The following INPP4B variants were observed in gnomAD, a reference collection of about 807,000 sequenced individuals.
INPP4B encodes inositol polyphosphate-4-phosphatase type II B.
A neutral mutation model predicts 122.5 loss-of-function variants in INPP4B; 55 were observed. That is an observed-to-expected ratio of 0.45 (90% confidence interval 0.36 to 0.56). The LOEUF (loss-of-function observed/expected upper bound fraction) is 0.56, where lower values mean the gene tolerates loss of function less well. Among genes scored for constraint, INPP4B ranks in the 20% least tolerant of loss-of-function variants. INPP4B has a pLI of 0.00. For missense variants in INPP4B, 1,000 were observed against 1,097.7 expected, an observed-to-expected ratio of 0.91 and a Z score of 1.26; for synonymous variants, 403 against 388.7, an observed-to-expected ratio of 1.04 and a Z score of -0.43.
At chr4:142,498,692 G>A (rs1302387678) in intron 2 of INPP4B, among the ~76,000 whole-genome samples, 1 of 152,086 alleles carries the variant, frequency 6.6e-6, no homozygotes. Context: ...TCGAGAGGTT[G>A]AGATTGGAAG....
At chr4:142,413,423 A>T (rs1579991531) in intron 5 of INPP4B, among the ~76,000 whole-genome samples, 2 of 152,224 alleles carry the variant, frequency 1.3e-5, no homozygotes, top group Non-Finnish European at 2.9e-5. Context: ...ACACAGACAA[A>T]TAAATAAAGC....
intron 12 of INPP4B, among the ~76,000 whole-genome samples, chr4:142,221,509 C>T (rs1451176079): frequency 1.3e-5 from 2 of 150,228 alleles, no homozygotes; most frequent in African/African-American, 4.9e-5. Flanking sequence ...ACAAAACAAA[C>T]ACCAAATTTC....
At chr4:142,705,458 A>AACACACACACACAC (rs56300337) in intron 2 of INPP4B, among the ~76,000 whole-genome samples, 134 of 146,302 alleles carry the variant, frequency 9.2e-4, no homozygotes, top group African/African-American at 3.3e-3. Flanking sequence ...TCCCACCCCA[A>AACACACACACACAC]ACACACACAC....
chr4:142,187,747 C>G (rs1272329225), intron 15 of INPP4B, among the ~76,000 whole-genome samples: 1 of 151,476 alleles, frequency 6.6e-6, no homozygotes, highest in Admixed American at 6.6e-5. Flanking sequence ...GCACATACTA[C>G]CAAGCCTGAC....
intron 2 of INPP4B, among the ~76,000 whole-genome samples, chr4:142,695,253 C>T (rs1487627898): frequency 1.3e-5 from 2 of 152,112 alleles, no homozygotes; most frequent in African/African-American, 4.8e-5. Flanking sequence ...TGAGTTTCAA[C>T]AATGACCCAG....
At chr4:142,633,495 A>C (rs1442510640) in intron 2 of INPP4B, among the ~76,000 whole-genome samples, 1 of 152,172 alleles carries the variant, frequency 6.6e-6, no homozygotes, top group Non-Finnish European at 1.5e-5. Flanking sequence ...GGACTATCTT[A>C]ACACACTTAA....
chr4:142,185,934 A>G (rs950573937), intron 15 of INPP4B, among the ~76,000 whole-genome samples: 1 of 151,524 alleles, frequency 6.6e-6, no homozygotes, highest in Non-Finnish European at 1.5e-5. Flanking sequence ...GTTATACTAA[A>G]TGTAGGAATT....
At chr4:142,210,711 T>C (rs1056179638) in intron 12 of INPP4B, among the ~76,000 whole-genome samples, 1 of 152,210 alleles carries the variant, frequency 6.6e-6, no homozygotes, top group African/African-American at 2.4e-5. Flanking sequence ...TATACAGTTA[T>C]AATGAAAATA....
At chr4:142,587,914 A>C (rs1421460831) in intron 2 of INPP4B, among the ~76,000 whole-genome samples, 1 of 152,012 alleles carries the variant, frequency 6.6e-6, no homozygotes, top group Non-Finnish European at 1.5e-5. Flanking sequence ...ATCTGTCATA[A>C]ATATAAATGC....
At chr4:142,310,255 T>C (rs1402176586) in intron 8 of INPP4B, among the ~76,000 whole-genome samples, 1 of 152,168 alleles carries the variant, frequency 6.6e-6, no homozygotes, top group African/African-American at 2.4e-5. Context: ...AGTTGAGATG[T>C]ACACTCAGTA....
At chr4:142,619,595 C>T (rs1418525894) in intron 2 of INPP4B, among the ~76,000 whole-genome samples, 1 of 151,704 alleles carries the variant, frequency 6.6e-6, no homozygotes, top group Non-Finnish European at 1.5e-5. Flanking sequence ...ATGGTTGTTG[C>T]CAGGGGATAA....
intron 7 of INPP4B, among the ~76,000 whole-genome samples, chr4:142,360,855 A>C (rs991699959): frequency 2.6e-5 from 4 of 151,980 alleles, no homozygotes; most frequent in African/African-American, 9.7e-5. Context: ...AAACCTACCA[A>C]AGTGACTCAA....
chr4:142,669,066 A>C (rs1262260020), intron 2 of INPP4B, among the ~76,000 whole-genome samples: 3 of 151,936 alleles, frequency 2.0e-5, no homozygotes, highest in Non-Finnish European at 4.4e-5. Flanking sequence ...AAAAGAAAAT[A>C]AATAAAAATA....
chr4:142,455,945 T>A (rs1001056078), intron 3 of INPP4B, among the ~76,000 whole-genome samples: 1 of 152,114 alleles, frequency 6.6e-6, no homozygotes, highest in Non-Finnish European at 1.5e-5. Context: ...GCTATTTGTA[T>A]GTCTTCTTTT....
At chr4:142,536,865 C>T (rs1459574213) in intron 2 of INPP4B, among the ~76,000 whole-genome samples, 7 of 152,116 alleles carry the variant, frequency 4.6e-5, no homozygotes, top group Non-Finnish European at 8.8e-5. Flanking sequence ...GATCTTGGCT[C>T]GGCTCACTGC....
chr4:142,254,574 C>T (rs1281815369), intron 11 of INPP4B, among the ~76,000 whole-genome samples: 17 of 151,746 alleles, frequency 1.1e-4, no homozygotes, highest in African/African-American at 3.6e-4. Flanking sequence ...CCTCATGAGC[C>T]GAGGAGATCA....
intron 9 of INPP4B, among the ~76,000 whole-genome samples, chr4:142,301,648 G>A (rs1761448184): frequency 6.6e-6 from 1 of 151,958 alleles, no homozygotes; most frequent in African/African-American, 2.4e-5. Context: ...ACACATAACT[G>A]GTAACATCAA....
chr4:142,519,501 T>C (rs1219019523), intron 2 of INPP4B, among the ~76,000 whole-genome samples: 1 of 152,152 alleles, frequency 6.6e-6, no homozygotes, highest in Non-Finnish European at 1.5e-5. Flanking sequence ...TTTCATACTA[T>C]TTCAGCTGGC....
intron 1 of INPP4B, among the ~76,000 whole-genome samples, chr4:142,817,865 A>G (rs1472356649): frequency 6.6e-6 from 1 of 152,316 alleles, no homozygotes; most frequent in Non-Finnish European, 1.5e-5. Context: ...TTAAAAGGAA[A>G]CCAAAATAAC....
Sources: allele counts gnomAD v4.1 joint callset (sites outside exome capture counted in the v4.1 genomes callset), GRCh38; gene constraint gnomAD v4.1.1; transcripts MANE v1.5; gene names NCBI Gene and HGNC (gene_info 2026-07-23, HGNC 2026-07-21).